CNTNAP2: variants seen among roughly 807,000 people sequenced by gnomAD.
CNTNAP2 encodes contactin-associated protein-like 2.
A neutral mutation model predicts 155.2 loss-of-function variants in CNTNAP2; 98 were observed. The observed-to-expected ratio is 0.63, with a 90% CI of 0.54 to 0.75. The LOEUF (loss-of-function observed/expected upper bound fraction) is 0.75. CNTNAP2 is among the 30% of genes least tolerant of loss of function. The probability of loss-of-function intolerance (pLI) is 0.00; values close to 1 mark genes in which losing one functional copy is unlikely to be tolerated. For missense variants in CNTNAP2, 1,727 were observed against 1,688.1 expected, an observed-to-expected ratio of 1.02 and a Z score of -0.40; for synonymous variants, 651 against 631.2, an observed-to-expected ratio of 1.03 and a Z score of -0.47.
At chr7:147,248,170 T>C (rs111710173) in intron 8 of CNTNAP2, among the ~76,000 whole-genome samples, 1 of 152,210 alleles carries the variant, frequency 6.6e-6, no homozygotes. Context: ...AGGATTTAGA[T>C]AGTGCCAAAG....
At chr7:147,069,124 C>G (rs1278508816) in intron 4 of CNTNAP2, among the ~76,000 whole-genome samples, 1 of 152,088 alleles carries the variant, frequency 6.6e-6, no homozygotes, top group Non-Finnish European at 1.5e-5. Context: ...ACTCATCACC[C>G]GGGGAAGGGC....
chr7:148,219,769 G>A (rs184313843), intron 19 of CNTNAP2, among the ~76,000 whole-genome samples: 241 of 152,170 alleles, frequency 1.6e-3, no homozygotes, highest in African/African-American at 5.6e-3. Flanking sequence ...AGAAGTTGCT[G>A]GAGCCCAGAA....
At chr7:147,441,847 CT>C (rs1797644223) in intron 10 of CNTNAP2, among the ~76,000 whole-genome samples, 9 of 141,836 alleles carry the variant, frequency 6.3e-5, no homozygotes, top group South Asian at 2.3e-4. Context: ...CTCTCTCTCT[CT>C]CTCCCTCCCT....
At chr7:146,907,116 G>T (rs1157026834) in intron 3 of CNTNAP2, among the ~76,000 whole-genome samples, 2 of 151,962 alleles carry the variant, frequency 1.3e-5, no homozygotes, top group African/African-American at 4.8e-5. Flanking sequence ...AGAATAAAAA[G>T]AAATGAGCAA....
intron 3 of CNTNAP2, among the ~76,000 whole-genome samples, chr7:146,969,507 C>T (rs1246248770): frequency 1.3e-5 from 2 of 152,066 alleles, no homozygotes; most frequent in Non-Finnish European, 2.9e-5. Flanking sequence ...GTATTGGGTG[C>T]ATATATATTT....
intron 3 of CNTNAP2, among the ~76,000 whole-genome samples, chr7:146,886,588 C>T (rs1482799787): frequency 6.6e-6 from 1 of 151,912 alleles, no homozygotes. Flanking sequence ...CTACCAATCT[C>T]TCTTTAAAAA....
intron 12 of CNTNAP2, among the ~76,000 whole-genome samples, chr7:147,608,715 G>A (rs899672014): frequency 2.0e-5 from 3 of 152,172 alleles, no homozygotes; most frequent in South Asian, 4.1e-4. Flanking sequence ...GCACTGTCAC[G>A]CGTGTCTGTG....
intron 15 of CNTNAP2, among the ~76,000 whole-genome samples, chr7:148,031,085 T>A (rs745980136): frequency 6.6e-6 from 1 of 152,098 alleles, no homozygotes; most frequent in African/African-American, 2.4e-5. Context: ...TACTGGAAGA[T>A]GGTGGGACGA....
At chr7:146,859,996 A>G (rs1795067919) in intron 3 of CNTNAP2, among the ~76,000 whole-genome samples, 1 of 152,308 alleles carries the variant, frequency 6.6e-6, no homozygotes, top group Middle Eastern at 3.4e-3. Context: ...AAGAGACTTG[A>G]GATTACCTTT....
At chr7:147,579,012 CT>C (rs1186593027) in intron 12 of CNTNAP2, among the ~76,000 whole-genome samples, 1 of 152,018 alleles carries the variant, frequency 6.6e-6, no homozygotes, top group Non-Finnish European at 1.5e-5. Flanking sequence ...AAATTGGTCT[CT>C]TTTAACATAA....
intron 10 of CNTNAP2, among the ~76,000 whole-genome samples, chr7:147,462,247 C>A (rs1164579993): frequency 3.9e-5 from 6 of 152,138 alleles, no homozygotes; most frequent in African/African-American, 1.4e-4. Flanking sequence ...CCTGCCCATG[C>A]GTCTACGAAA....
At chr7:147,551,007 C>T (rs1207932724) in intron 11 of CNTNAP2, among the ~76,000 whole-genome samples, 1 of 152,184 alleles carries the variant, frequency 6.6e-6, no homozygotes, top group Non-Finnish European at 1.5e-5. Context: ...CTTTCACTGA[C>T]TAACTTGCAT....
intron 9 of CNTNAP2, among the ~76,000 whole-genome samples, chr7:147,341,728 A>C (rs1795766667): frequency 6.6e-6 from 1 of 150,878 alleles, no homozygotes; most frequent in African/African-American, 2.4e-5. Flanking sequence ...CCCCAAACCC[A>C]ACAAGGTTCT....
At chr7:147,739,331 A>G (rs976872759) in intron 13 of CNTNAP2, among the ~76,000 whole-genome samples, 1 of 151,838 alleles carries the variant, frequency 6.6e-6, no homozygotes, top group Non-Finnish European at 1.5e-5. Context: ...CCTTCTTACT[A>G]TTTTTCTCCC....
chr7:148,254,349 C>T (rs993233343), intron 20 of CNTNAP2, among the ~76,000 whole-genome samples: 2 of 152,060 alleles, frequency 1.3e-5, no homozygotes, highest in Admixed American at 1.3e-4. Flanking sequence ...AATCAAACCC[C>T]GAAAACGTGC....
At chr7:146,538,503 A>G (rs1012434931) in intron 1 of CNTNAP2, among the ~76,000 whole-genome samples, 1 of 152,056 alleles carries the variant, frequency 6.6e-6, no homozygotes, top group Non-Finnish European at 1.5e-5. Context: ...AATCTTCTTA[A>G]AAGTCCTGTG....
chr7:147,518,464 G>A (rs1181840183), intron 11 of CNTNAP2, among the ~76,000 whole-genome samples: 1 of 152,188 alleles, frequency 6.6e-6, no homozygotes, highest in Non-Finnish European at 1.5e-5. Context: ...GCCTGTCCTA[G>A]CATCATCTCT....
At chr7:146,606,280 G>A (rs1433468186) in intron 1 of CNTNAP2, among the ~76,000 whole-genome samples, 2 of 152,108 alleles carry the variant, frequency 1.3e-5, no homozygotes. Flanking sequence ...GAGCATTATA[G>A]ATGTAAAAAG....
intron 1 of CNTNAP2, among the ~76,000 whole-genome samples, chr7:146,245,974 GCA>G (rs1184594727): frequency 6.6e-4 from 95 of 143,046 alleles, no homozygotes; most frequent in African/African-American, 2.1e-3. Context: ...GGTTGATAAG[GCA>G]TAGATCCTGA....
Sources: allele counts gnomAD v4.1 joint callset (sites outside exome capture counted in the v4.1 genomes callset), GRCh38; gene constraint gnomAD v4.1.1; transcripts MANE v1.5; gene names NCBI Gene and HGNC (gene_info 2026-07-23, HGNC 2026-07-21).